TVP23A: variants seen among roughly 807,000 people sequenced by gnomAD.
TVP23A encodes the protein trans-golgi network vesicle protein 23 homolog A, also known as Golgi apparatus membrane protein TVP23 homolog A.
In TVP23A, 21 loss-of-function variants were observed where a neutral mutation model predicts 31.7. The observed-to-expected ratio is 0.66, with a 90% CI of 0.47 to 0.95. TVP23A has a LOEUF of 0.95. Among genes scored for constraint, TVP23A ranks in the 40% least tolerant of loss-of-function variants. The probability of loss-of-function intolerance (pLI) is 0.00; values close to 1 mark genes in which losing one functional copy is unlikely to be tolerated. For missense variants in TVP23A, 279 were observed against 255.6 expected (o/e 1.09, Z -0.62); for synonymous variants, 104 against 96.0 (o/e 1.08, Z -0.49).
Position 10,771,742 on chromosome 16 carries a change from A to G in TVP23A, c.510T>C (p.Leu170=). ...TGTCACTGTTGCCTCCCATCTTACA[A>G]AGGATGTAGCCATACAGGTTTGCAG... ...LQAANLYGYI[L]CKMGGNSDIG... The change falls in exon 6 of 8, where the codon CTT becomes CTC. Residue 170 remains leucine, a synonymous_variant. Transcript: ENST00000299866. 1 of 1,608,740 alleles carries G rather than the reference A, an allele frequency of 6.2e-7. No individual in the cohort carries two copies. Among genetic ancestry groups the G allele is most frequent in the Non-Finnish European group, 8.5e-7 (1 of 1,177,528 alleles).
intron 2 of TVP23A, among the ~76,000 whole-genome samples, chr16:10,776,652 G>A (rs2142910093): frequency 6.6e-6 from 1 of 152,232 alleles, no homozygotes; most frequent in South Asian, 2.1e-4. Flanking sequence ...AAGAATTCAG[G>A]GCAAGTCCAT....
intron 2 of TVP23A, among the ~76,000 whole-genome samples, chr16:10,786,540 T>G (rs183928175): frequency 2.0e-5 from 3 of 152,330 alleles, no homozygotes; most frequent in Non-Finnish European, 4.4e-5. Flanking sequence ...TGTGTCCTCT[T>G]TCAGACACTC....
chr16:10,761,047 AGGAG>A, downstream of TVP23A: 1 of 263,912 alleles, frequency 3.8e-6, no homozygotes, highest in Non-Finnish European at 7.5e-6. Context: ...GAGAGTGTGT[AGGAG>A]GAACTGTCAA....
intron 2 of TVP23A, among the ~76,000 whole-genome samples, chr16:10,789,452 A>G (rs1451362221): frequency 1.3e-5 from 2 of 152,214 alleles, no homozygotes; most frequent in Non-Finnish European, 2.9e-5. Flanking sequence ...GGAGATCCTG[A>G]GAACATGTGC....
intron 2 of TVP23A, among the ~76,000 whole-genome samples, chr16:10,799,769 T>C (rs932813187): frequency 1.3e-5 from 2 of 152,034 alleles, no homozygotes; most frequent in Non-Finnish European, 2.9e-5. Context: ...TTGAGGAGAG[T>C]TGGGGGTGAG....
intron 2 of TVP23A, among the ~76,000 whole-genome samples, chr16:10,798,122 A>AT (rs1450272070): frequency 1.3e-5 from 2 of 150,738 alleles, no homozygotes; most frequent in Non-Finnish European, 3.0e-5. Context: ...CGCCCAGCTA[A>AT]TTTTTTGTAT....
downstream of TVP23A, among the ~76,000 whole-genome samples, chr16:10,762,790 C>G (rs917033686): frequency 2.0e-5 from 3 of 148,268 alleles, no homozygotes; most frequent in Admixed American, 2.0e-4. Context: ...TATGGCCTGG[C>G]CAGGAGAGGG....
chr16:10,767,118 A>C lies in TVP23A; in HGVS notation c.*1984T>G. ...CTGAGGCTGGTGACCGGCCATGGGC[A>C]GTGCAGTCACTTGCCTGTTTCGCCA... is the stretch of plus-strand genomic sequence containing the variant. On this transcript the variant is annotated 3_prime_UTR_variant, in exon 8 of 8. Transcript: ENST00000299866. This position sits in a 1 kb window ranked among gnomAD's most constrained non-coding sequence, Gnocchi z 4.6. 2.5e-6 allele frequency: 1 copy of C among 398,922 alleles called. No homozygotes were observed. The highest frequency in any genetic ancestry group is 4.4e-6 in the Non-Finnish European group (1 of 226,306). The allele number at this position is 398,922 out of a possible 1,614,324, so 24.7% of individuals were successfully genotyped here. A position where few individuals can be genotyped will look rare whatever the true frequency, so the allele number is the denominator to read the frequency against.
intron 2 of TVP23A, among the ~76,000 whole-genome samples, chr16:10,789,665 TAAAAAAAAAAAAA>T (rs969812242): frequency 1.8e-5 from 1 of 55,396 alleles, no homozygotes; most frequent in Non-Finnish European, 3.4e-5. Flanking sequence ...CCATCTCTAC[TAAAAAAAAAAAAA>T]AAAAAAAAAA....
intron 2 of TVP23A, among the ~76,000 whole-genome samples, chr16:10,796,862 G>A (rs1427706276): frequency 6.6e-6 from 1 of 152,164 alleles, no homozygotes; most frequent in Non-Finnish European, 1.5e-5. Flanking sequence ...TAGGGACGCT[G>A]GCTAAATATT....
intron 2 of TVP23A, among the ~76,000 whole-genome samples, chr16:10,795,975 A>G (rs2033365591): frequency 6.6e-6 from 1 of 152,160 alleles, no homozygotes; most frequent in Admixed American, 6.6e-5. Context: ...ACCAAGGAAA[A>G]TATTAAAGGA....
At chr16:10,759,298 G>T (rs1239554805), downstream of TVP23A, among the ~76,000 whole-genome samples, 1 of 152,194 alleles carries the variant, frequency 6.6e-6, no homozygotes, top group East Asian at 1.9e-4. This position sits in a 1 kb window ranked among gnomAD's most constrained non-coding sequence, Gnocchi z 4.7. Flanking sequence ...AGGGTGTCCG[G>T]GTCAGAAAAT....
intron 2 of TVP23A, among the ~76,000 whole-genome samples, chr16:10,799,415 C>T (rs1410311851): frequency 1.3e-5 from 2 of 152,176 alleles, no homozygotes; most frequent in Non-Finnish European, 2.9e-5. Context: ...CTCACTGCAA[C>T]CTCCGACTCC....
chr16:10,775,450 A>C, intron 2 of TVP23A: 1 of 1,072,304 alleles, frequency 9.3e-7, no homozygotes, highest in Non-Finnish European at 1.1e-6. Flanking sequence ...CAGTTCCCTA[A>C]AGGTAAAGGT....
rs531925854 is a variant in TVP23A, at chr16:10,773,485, G to T, written c.325-44C>A. The T allele has an allele frequency of 1.9e-6, 3 of 1,549,442 alleles. No individual in the cohort carries two copies. In the South Asian group the frequency reaches 3.6e-5, roughly 19 times the overall value. ...TCAAATGTCAAAACAAGTGGAAATG[G>T]TTGCAAACGAGCGTGCTCACATTTT... is the stretch of plus-strand genomic sequence containing the variant. On this transcript the variant is annotated intron_variant, in intron 4 of 7. Transcript: ENST00000299866.
intron 2 of TVP23A, among the ~76,000 whole-genome samples, chr16:10,801,244 A>T (rs917576214): frequency 6.6e-6 from 1 of 152,284 alleles, no homozygotes; most frequent in Non-Finnish European, 1.5e-5. Flanking sequence ...CAGCTCAAAA[A>T]AAGAAAATGT....
At chr16:10,801,175 G>T (rs2033677547) in intron 2 of TVP23A, among the ~76,000 whole-genome samples, 1 of 151,984 alleles carries the variant, frequency 6.6e-6, no homozygotes, top group East Asian at 1.9e-4. Flanking sequence ...GTAGGTAAGA[G>T]GTAGTGGATG....
intron 2 of TVP23A, among the ~76,000 whole-genome samples, chr16:10,792,238 G>C (rs529052862): frequency 1.3e-5 from 2 of 152,146 alleles, no homozygotes; most frequent in South Asian, 2.1e-4. Context: ...GTGTGTCCAT[G>C]TCCTTAATCT....
At chr16:10,769,974 C>T (rs1326858323) in intron 7 of TVP23A, among the ~76,000 whole-genome samples, 1 of 152,158 alleles carries the variant, frequency 6.6e-6, no homozygotes, top group Non-Finnish European at 1.5e-5. Context: ...TTCTTTCCCT[C>T]CCTTGTCTCT....
Sources: allele counts gnomAD v4.1 joint callset (sites outside exome capture counted in the v4.1 genomes callset), GRCh38; gene constraint gnomAD v4.1.1; non-coding constraint Gnocchi (gnomAD v3.1); transcripts MANE v1.5; gene names NCBI Gene and HGNC (gene_info 2026-07-23, HGNC 2026-07-21).